Variants in PKNOX2 observed in about 807,000 individuals in gnomAD.
PKNOX2 encodes the protein homeobox protein PKNOX2.
A neutral mutation model predicts 53.1 loss-of-function variants in PKNOX2; 14 were observed. The ratio of observed to expected loss-of-function variants is 0.26; its 90% CI spans 0.17 to 0.41. The LOEUF is 0.41. Among genes scored for constraint, PKNOX2 ranks in the 10% least tolerant of loss-of-function variants. PKNOX2 has a pLI of 1.00. For synonymous variants in PKNOX2, 257 were observed against 242.8 expected, an observed-to-expected ratio of 1.06 and a Z score of -0.54; for missense variants, 496 against 602.8, an observed-to-expected ratio of 0.82 and a Z score of 1.85.
intron 2 of PKNOX2, among the ~76,000 whole-genome samples, chr11:125,328,146 C>G (rs753698832): frequency 3.3e-5 from 5 of 152,184 alleles, no homozygotes; most frequent in Non-Finnish European, 7.3e-5. Flanking sequence ...GGAGGCCACA[C>G]CAGGCAGGCA....
chr11:125,262,364 TGG>T (rs1944926028), intron 2 of PKNOX2, among the ~76,000 whole-genome samples: 1 of 152,078 alleles, frequency 6.6e-6, no homozygotes, highest in Non-Finnish European at 1.5e-5. Context: ...GATGGAGGAC[TGG>T]TCAGGCACTC....
intron 2 of PKNOX2, among the ~76,000 whole-genome samples, chr11:125,271,884 C>T (rs1445244495): frequency 4.6e-5 from 7 of 152,170 alleles, no homozygotes; most frequent in Admixed American, 2.0e-4. Flanking sequence ...ATGGGGAAGC[C>T]GCCTTTGCCC....
intron 5 of PKNOX2, among the ~76,000 whole-genome samples, chr11:125,369,338 A>G (rs962243257): frequency 1.3e-5 from 2 of 152,222 alleles, no homozygotes; most frequent in African/African-American, 4.8e-5. Context: ...TGGGCCCCAA[A>G]GAACTCCAGG....
intron 7 of PKNOX2, among the ~76,000 whole-genome samples, chr11:125,400,700 T>C (rs1591557372): frequency 6.6e-6 from 1 of 152,156 alleles, no homozygotes; most frequent in Non-Finnish European, 1.5e-5. Flanking sequence ...CCAGGAGGAC[T>C]CCCTGATGCC....
At chr11:125,381,764 A>G (rs1261455350) in intron 5 of PKNOX2, among the ~76,000 whole-genome samples, 2 of 152,090 alleles carry the variant, frequency 1.3e-5, no homozygotes, top group Non-Finnish European at 2.9e-5. Flanking sequence ...CTTCAGCCAC[A>G]CTCAGCTACA....
chr11:125,282,864 A>G (rs915310935), intron 2 of PKNOX2, among the ~76,000 whole-genome samples: 1 of 152,234 alleles, frequency 6.6e-6, no homozygotes, highest in Non-Finnish European at 1.5e-5. Context: ...TAAATTTCAC[A>G]TAGCCAGCCG....
Position 125,431,470 on chromosome 11 carries a change from G to GGCCCCCCCCC in PKNOX2, c.*78_*79insGCCCCCCCCC. 1 of 282,772 alleles carries GGCCCCCCCCC rather than the reference G, an allele frequency of 3.5e-6. No homozygotes were observed. The highest frequency in any genetic ancestry group is 2.4e-5 in the African/African-American group (1 of 41,030). The allele number at this position is 282,772 out of a possible 1,614,324, so 17.5% of individuals were successfully genotyped here. On this transcript the variant is annotated 3_prime_UTR_variant, in exon 13 of 13. Coordinates refer to ENST00000298282, the MANE Select transcript of PKNOX2 (RefSeq NM_001382323.2). ...AGGCCTTCAGGGTGGGGGGGAAGGG[G>GGCCCCCCCCC]ACATGGGCAGGAAGCACCGAGGGAG...
chr11:125,377,651 G>A (rs1952920856), intron 5 of PKNOX2, among the ~76,000 whole-genome samples: 1 of 152,216 alleles, frequency 6.6e-6, no homozygotes, highest in African/African-American at 2.4e-5. Flanking sequence ...TCCTTTTACA[G>A]GGTTGTCCAA....
At chr11:125,247,804 G>A (rs1046048002) in intron 2 of PKNOX2, among the ~76,000 whole-genome samples, 7 of 152,190 alleles carry the variant, frequency 4.6e-5, no homozygotes, top group African/African-American at 1.7e-4. Context: ...GATAGGCAGA[G>A]AAGAATGACC....
Position 125,349,837 on chromosome 11 carries a change from TCACACACACA to T in PKNOX2, c.-22-1416_-22-1407del, listed in dbSNP as rs60332384. ...ACTTCCTGAAAAAGAACCAAAAGAA[TCACACACACA>T]CACACACACACACACACACACACAC... On this transcript the variant is annotated intron_variant, in intron 3 of 12. Coordinates refer to ENST00000298282, the MANE Select transcript of PKNOX2 (RefSeq NM_001382323.2). 7.3e-3 allele frequency among the ~76,000 whole-genome samples: 1,008 copies of T among 138,120 alleles called. 4 individuals are homozygous for T. Among genetic ancestry groups the T allele is most frequent in the African/African-American group, 0.026 (940 of 36,612 alleles). The allele number at this position is 138,120 out of a possible 152,430, so 90.6% of individuals were successfully genotyped here. A position where few individuals can be genotyped will look rare whatever the true frequency, so the allele number is the denominator to read the frequency against.
chr11:125,354,933 T>C (rs1951522275), intron 4 of PKNOX2, among the ~76,000 whole-genome samples: 2 of 152,164 alleles, frequency 1.3e-5, no homozygotes. Flanking sequence ...CGCCACACTC[T>C]CTGTTGATTG....
chr11:125,328,395 G>C (rs922337116), intron 2 of PKNOX2, among the ~76,000 whole-genome samples: 1,858 of 150,624 alleles, frequency 0.012, 40 homozygotes, highest in African/African-American at 0.043. Flanking sequence ...GAGAGAGAAA[G>C]AGAGACAGAG....
chr11:125,299,924 G>C (rs1323941635), intron 2 of PKNOX2, among the ~76,000 whole-genome samples: 1 of 152,220 alleles, frequency 6.6e-6, no homozygotes, highest in Non-Finnish European at 1.5e-5. Flanking sequence ...GAGACACCCT[G>C]TCTGCTGCCC....
chr11:125,234,922 G>A (rs1318878813), intron 1 of PKNOX2, 123 bp from the exon 2 acceptor site: 2 of 152,664 alleles, frequency 1.3e-5, no homozygotes, highest in Non-Finnish European at 2.9e-5. Context: ...GCGGGCACAT[G>A]GCTGCCAGCC....
intron 5 of PKNOX2, among the ~76,000 whole-genome samples, chr11:125,378,213 T>A (rs867086585): frequency 5.3e-5 from 8 of 152,170 alleles, no homozygotes; most frequent in South Asian, 4.1e-4. Flanking sequence ...TTTAGCTACT[T>A]GACAACCACT....
intron 5 of PKNOX2, among the ~76,000 whole-genome samples, chr11:125,375,714 C>T (rs1279257718): frequency 6.6e-6 from 1 of 152,158 alleles, no homozygotes; most frequent in Non-Finnish European, 1.5e-5. Flanking sequence ...GGGCTCACCT[C>T]CTCACAGCAT....
intron 1 of PKNOX2, among the ~76,000 whole-genome samples, chr11:125,167,447 G>C (rs1238830472): frequency 6.6e-6 from 1 of 152,152 alleles, no homozygotes; most frequent in South Asian, 2.1e-4. Context: ...CTCCCGCTGA[G>C]AGCCCGAGGG....
At chr11:125,251,291 A>G (rs540695104) in intron 2 of PKNOX2, among the ~76,000 whole-genome samples, 1 of 152,212 alleles carries the variant, frequency 6.6e-6, no homozygotes, top group South Asian at 2.1e-4. Context: ...CAGCATTTCC[A>G]ATTACTCTCC....
At chr11:125,390,816 C>A (rs1050956629) in intron 6 of PKNOX2, among the ~76,000 whole-genome samples, 3 of 152,230 alleles carry the variant, frequency 2.0e-5, no homozygotes, top group African/African-American at 7.2e-5. Context: ...GTTATTGACT[C>A]CAAAATGATT....
Sources: gnomAD v4.1 joint callset for allele counts (sites outside exome capture counted in the v4.1 genomes callset) on GRCh38, gnomAD v4.1.1 for gene constraint, MANE v1.5 for transcripts, NCBI Gene and HGNC (gene_info 2026-07-23, HGNC 2026-07-21) for gene names.